ZNF131: variants seen among roughly 807,000 people sequenced by gnomAD.
ZNF131 encodes zinc finger and BTB domain containing 35, also known as zinc finger protein 131.
Under a neutral mutation model 60.0 loss-of-function variants are expected in ZNF131, and 7 were observed. The ratio of observed to expected loss-of-function variants is 0.12; its 90% CI spans 0.07 to 0.22. The LOEUF (loss-of-function observed/expected upper bound fraction) is 0.22, where lower values mean the gene tolerates loss of function less well. Ranked by LOEUF, ZNF131 falls within the 10% of genes least tolerant of loss-of-function variation. The probability of loss-of-function intolerance (pLI) is 1.00; values close to 1 mark genes in which losing one functional copy is unlikely to be tolerated. For synonymous variants in ZNF131, 257 were observed against 253.2 expected (o/e 1.01, Z -0.14); for missense variants, 493 against 740.9 (o/e 0.67, Z 3.88).
Position 43,175,166 on chromosome 5 carries a change from G to T in ZNF131, c.*33G>T. 6.4e-7 allele frequency: 1 copy of T among 1,550,642 alleles called. No individual in the cohort carries two copies. Among genetic ancestry groups the T allele is most frequent in the Non-Finnish European group, 8.7e-7 (1 of 1,151,100 alleles). On this transcript the variant is annotated 3_prime_UTR_variant, in exon 7 of 7. Coordinates refer to ENST00000682664, the MANE Select transcript of ZNF131 (RefSeq NM_001330707.2). ...CATGAATATATTTTTAAATTTACTTGTTGGGTTTTTGAACTGATTATGGGC... is the reference window on the plus strand; with the variant it reads ...CATGAATATATTTTTAAATTTACTTTTTGGGTTTTTGAACTGATTATGGGC...
At chr5:43,125,806 C>T (rs1374477342) in intron 3 of ZNF131, among the ~76,000 whole-genome samples, 2 of 151,784 alleles carry the variant, frequency 1.3e-5, no homozygotes, top group African/African-American at 4.8e-5. Context: ...GAAAAGTGGC[C>T]CAAGCTGGAA....
At chr5:43,159,982 C>A (rs769866964) in intron 4 of ZNF131, among the ~76,000 whole-genome samples, 16 of 152,090 alleles carry the variant, frequency 1.1e-4, no homozygotes, top group Non-Finnish European at 1.5e-4. Flanking sequence ...CGAGACCATC[C>A]TGGCTAACAC....
chr5:43,151,686 C>T (rs1320252563), intron 4 of ZNF131, among the ~76,000 whole-genome samples: 6 of 152,140 alleles, frequency 3.9e-5, no homozygotes, highest in Non-Finnish European at 5.9e-5. Flanking sequence ...ACACCTGCCT[C>T]GGAGTCCCAA....
In ZNF131 at chr5:43,152,009, A is replaced by G. The variant is rs553304738; in HGVS notation, c.372-9240A>G. On this transcript the variant is annotated intron_variant, in intron 4 of 6. Coordinates refer to ENST00000682664, the MANE Select transcript of ZNF131 (RefSeq NM_001330707.2). The stretch of plus-strand genomic sequence containing the variant: ...CAGTTGACTTCTTTCCTATTTATTT[A>G]TTTATTTATTTATTGAGATGGAGTC... 7.9e-3 allele frequency among the ~76,000 whole-genome samples: 1,187 copies of G among 150,836 alleles called. 18 individuals carry two copies. The highest frequency in any genetic ancestry group is 0.028 in the African/African-American group (1,137 of 41,092).
chr5:43,151,463 TCTCA>T (rs766387876), intron 4 of ZNF131, among the ~76,000 whole-genome samples: 5 of 152,070 alleles, frequency 3.3e-5, no homozygotes, highest in Non-Finnish European at 7.4e-5. Flanking sequence ...TGAGACGGAG[TCTCA>T]CTCTGTGCCC....
intron 3 of ZNF131, among the ~76,000 whole-genome samples, chr5:43,138,643 C>G (rs1746431385): frequency 6.6e-6 from 1 of 152,064 alleles, no homozygotes; most frequent in African/African-American, 2.4e-5. Context: ...GAGTGAAACT[C>G]CATCTCAAAA....
chr5:43,169,398 C>T (rs1484372798), intron 5 of ZNF131, among the ~76,000 whole-genome samples: 1 of 152,210 alleles, frequency 6.6e-6, no homozygotes, highest in Non-Finnish European at 1.5e-5. Flanking sequence ...CTCGTTTCTA[C>T]TCAGGTAGAT....
Sources: gnomAD v4.1 joint callset for allele counts (sites outside exome capture counted in the v4.1 genomes callset) on GRCh38, gnomAD v4.1.1 for gene constraint, MANE v1.5 for transcripts, NCBI Gene and HGNC (gene_info 2026-07-23, HGNC 2026-07-21) for gene names.